The following ACSM6 variants were observed in gnomAD, a reference collection of about 807,000 sequenced individuals.
ACSM6 encodes acyl-coenzyme A synthetase ACSM6, mitochondrial.
In ACSM6, 35 loss-of-function variants were observed where a neutral mutation model predicts 51.1. That is an observed-to-expected ratio of 0.69 (90% confidence interval 0.52 to 0.91). The LOEUF is 0.91. Ranked by LOEUF, ACSM6 falls within the 40% of genes least tolerant of loss-of-function variation. The pLI is 0.00. For synonymous variants in ACSM6, 172 were observed against 207.3 expected (o/e 0.83, Z 1.46); for missense variants, 509 against 584.1 (o/e 0.87, Z 1.32).
chr10:95,194,949 T>C (rs1245851917), intron 2 of ACSM6, among the ~76,000 whole-genome samples: 2 of 152,208 alleles, frequency 1.3e-5, no homozygotes, highest in East Asian at 1.9e-4. Flanking sequence ...ATTGAGATAT[T>C]AATGGTGTGT....
At chr10:95,226,988 CTTTTTTT>C (rs11342263) in intron 10 of ACSM6, among the ~76,000 whole-genome samples, 2 of 140,142 alleles carry the variant, frequency 1.4e-5, no homozygotes, top group Non-Finnish European at 3.1e-5. Context: ...TATATGACAA[CTTTTTTT>C]TTTTTTTTTG....
At chr10:95,216,840 T>C (rs554266394) in intron 8 of ACSM6, among the ~76,000 whole-genome samples, 1 of 152,160 alleles carries the variant, frequency 6.6e-6, no homozygotes, top group African/African-American at 2.4e-5. Flanking sequence ...AACCACTCAA[T>C]TGATGTTCTA....
At chr10:95,207,140 A>G in intron 3 of ACSM6, 68 bp from the exon 4 acceptor site, 2 of 1,481,238 alleles carry the variant, frequency 1.4e-6, no homozygotes, top group South Asian at 1.2e-5. Flanking sequence ...CATGCCTGCC[A>G]GAATGCTTGA....
intron 8 of ACSM6, 58 bp from the exon 9 acceptor site, chr10:95,219,833 T>G: frequency 1.6e-6 from 2 of 1,263,624 alleles, no homozygotes; most frequent in Non-Finnish European, 2.3e-6. Context: ...GATCAATAAC[T>G]AGATCCATTA....
At chr10:95,221,707 C>T (rs1486064394) in intron 9 of ACSM6, among the ~76,000 whole-genome samples, 5 of 152,124 alleles carry the variant, frequency 3.3e-5, no homozygotes, top group African/African-American at 9.7e-5. Context: ...AAAGTCAGAA[C>T]ATACCAATAA....
intron 7 of ACSM6, 109 bp downstream of exon 7, chr10:95,213,049 C>T (rs2034909601): frequency 1.2e-6 from 1 of 866,830 alleles, no homozygotes; most frequent in East Asian, 2.6e-5. Context: ...TCCGGTAACA[C>T]ACTTGTCTTG....
intron 6 of ACSM6, among the ~76,000 whole-genome samples, chr10:95,212,339 C>T (rs1461584735): frequency 3.3e-5 from 5 of 152,160 alleles, no homozygotes; most frequent in Non-Finnish European, 5.9e-5. Context: ...ACTGGCACTT[C>T]ATATGGATTA....
At chr10:95,224,111 G>T (rs1188659102) in intron 9 of ACSM6, among the ~76,000 whole-genome samples, 2 of 152,026 alleles carry the variant, frequency 1.3e-5, no homozygotes, top group Non-Finnish European at 2.9e-5. Flanking sequence ...TAATTTACTA[G>T]ACTTAGTACT....
chr10:95,213,538 T>C (rs559710439), intron 7 of ACSM6, among the ~76,000 whole-genome samples: 1 of 152,336 alleles, frequency 6.6e-6, no homozygotes, highest in East Asian at 1.9e-4. Context: ...AAAGCTCTAT[T>C]TATGATAATA....
intron 9 of ACSM6, among the ~76,000 whole-genome samples, chr10:95,223,065 A>G (rs568966635): frequency 2.5e-4 from 38 of 152,042 alleles, no homozygotes; most frequent in Non-Finnish European, 5.1e-4. Flanking sequence ...GAGGACCCAC[A>G]CAAAGGGGGA....
At chr10:95,214,730 C>T in intron 7 of ACSM6, 122 bp from the exon 8 acceptor site, 2 of 1,125,608 alleles carry the variant, frequency 1.8e-6, no homozygotes, top group East Asian at 2.6e-5. Flanking sequence ...ACATCAACCA[C>T]CACTTAATGA....
At chr10:95,212,073 G>C in intron 6 of ACSM6, 39 bp downstream of exon 6, 1 of 1,611,250 alleles carries the variant, frequency 6.2e-7, no homozygotes, top group East Asian at 2.2e-5. Flanking sequence ...TGGGACAAAG[G>C]CCAGAGAGAG....
intron 2 of ACSM6, among the ~76,000 whole-genome samples, chr10:95,197,530 T>C (rs938455492): frequency 2.0e-5 from 3 of 152,140 alleles, no homozygotes; most frequent in Non-Finnish European, 4.4e-5. Context: ...TAAGCCAGAT[T>C]TATGTTTCTC....
At chr10:95,213,835 A>G (rs920050131) in intron 7 of ACSM6, among the ~76,000 whole-genome samples, 3 of 152,212 alleles carry the variant, frequency 2.0e-5, no homozygotes, top group African/African-American at 7.2e-5. Context: ...GTGGGCAAGG[A>G]CATAAACTCT....
exon 7 of ACSM6, chr10:95,212,887 A>G (rs1275408363): frequency 6.2e-7 from 1 of 1,613,688 alleles, no homozygotes; most frequent in African/African-American, 1.3e-5. Context: ...TCACCACTCT[A>G]TCTGCAAATC....
intron 3 of ACSM6, among the ~76,000 whole-genome samples, chr10:95,205,891 T>C (rs1452670256): frequency 1.3e-5 from 2 of 152,214 alleles, no homozygotes; most frequent in Non-Finnish European, 2.9e-5. Context: ...CAATCAGTGA[T>C]ACTGAACAGG....
Position 95,194,461 on chromosome 10 carries a change from C to G in ACSM6, c.-21-4C>G, listed in dbSNP as rs1434025612. On this transcript the variant is annotated splice_region_variant and splice_polypyrimidine_tract_variant and intron_variant, in intron 1 of 10. Transcript: ENST00000341686. ...ACTCCCTGTCTTTTCCTCAATTTAC[C>G]TAGGTGGTTCCCTGTCTGACCCAAA... 6.5e-7 allele frequency: 1 copy of G among 1,547,268 alleles called. No homozygotes were observed. The highest frequency in any genetic ancestry group is 2.0e-5 in the Admixed American group (1 of 50,934).
At chr10:95,213,127 A>C (rs2034911492) in intron 7 of ACSM6, among the ~76,000 whole-genome samples, 187 bp downstream of exon 7, 1 of 152,182 alleles carries the variant, frequency 6.6e-6, no homozygotes, top group Non-Finnish European at 1.5e-5. Context: ...TGAAATCCAT[A>C]TCTTGACCCA....
At chr10:95,200,000 G>A (rs1255897809) in intron 2 of ACSM6, among the ~76,000 whole-genome samples, 2 of 152,114 alleles carry the variant, frequency 1.3e-5, no homozygotes. Flanking sequence ...TCCCATTACT[G>A]GGTATATACC....
Sources: allele counts gnomAD v4.1 joint callset (sites outside exome capture counted in the v4.1 genomes callset), GRCh38; gene constraint gnomAD v4.1.1; transcripts MANE v1.5; gene names NCBI Gene and HGNC (gene_info 2026-07-23, HGNC 2026-07-21).